The following C12orf42 variants were observed in gnomAD, a reference collection of about 807,000 sequenced individuals.
C12orf42 encodes the protein chromosome 12 open reading frame 42.
Under a neutral mutation model 21.6 loss-of-function variants are expected in C12orf42, and 25 were observed. The observed-to-expected ratio is 1.16, with a 90% CI of 0.84 to 1.62. The LOEUF (loss-of-function observed/expected upper bound fraction) is 1.62. C12orf42 is among the 40% of genes most tolerant of loss of function. The pLI, the probability that C12orf42 is intolerant of heterozygous loss-of-function variation, is 0.00. For missense variants in C12orf42, 483 were observed against 459.3 expected (o/e 1.05, Z -0.47); for synonymous variants, 174 against 175.0 (o/e 0.99, Z 0.05).
chr12:103,372,487 T>G (rs78851963), intron 3 of C12orf42, among the ~76,000 whole-genome samples: 2,795 of 152,268 alleles, frequency 0.018, 62 homozygotes, highest in African/African-American at 0.057. Flanking sequence ...CAAGTGTGGC[T>G]CAGGACCCAG....
At chr12:103,350,040 C>T (rs2042976732) in intron 4 of C12orf42, among the ~76,000 whole-genome samples, 1 of 151,724 alleles carries the variant, frequency 6.6e-6, no homozygotes, top group African/African-American at 2.4e-5. Context: ...ATTAAAATGA[C>T]CAAATTTAGG....
chr12:103,149,662 C>T, the C12orf42 span, among the ~76,000 whole-genome samples: 1 of 152,138 alleles, frequency 6.6e-6, no homozygotes, highest in African/African-American at 2.4e-5. Flanking sequence ...TTCCCCTTCT[C>T]GCACTTCTCC....
chr12:103,076,432 C>G, the C12orf42 span, among the ~76,000 whole-genome samples: 1 of 151,946 alleles, frequency 6.6e-6, no homozygotes, highest in African/African-American at 2.4e-5. Flanking sequence ...GCCAGTCAAA[C>G]CCATTGTGCA....
chr12:103,280,638 A>G (rs1286809918), intron 4 of C12orf42, among the ~76,000 whole-genome samples: 2 of 152,156 alleles, frequency 1.3e-5, no homozygotes, highest in Non-Finnish European at 2.9e-5. Flanking sequence ...AAAATCTTGA[A>G]TGGTAGGGGA....
chr12:103,363,767 A>G (rs2044330773), intron 4 of C12orf42, among the ~76,000 whole-genome samples: 1 of 152,164 alleles, frequency 6.6e-6, no homozygotes, highest in South Asian at 2.1e-4. Context: ...ATGTAATAAT[A>G]AAAGGTCTTA....
chr12:103,241,254 GC>G (rs2033727729), intron 10 of C12orf42, among the ~76,000 whole-genome samples: 1 of 151,224 alleles, frequency 6.6e-6, no homozygotes, highest in African/African-American at 2.4e-5. Context: ...GTCCCTGACA[GC>G]CCCCACCCCA....
intron 4 of C12orf42, among the ~76,000 whole-genome samples, chr12:103,290,943 T>C (rs1431493314): frequency 6.6e-6 from 1 of 152,006 alleles, no homozygotes. Flanking sequence ...ACTACTCGGG[T>C]GATGGATGTG....
chr12:103,467,534 C>T (rs1465677553), intron 2 of C12orf42, among the ~76,000 whole-genome samples: 1 of 152,102 alleles, frequency 6.6e-6, no homozygotes, highest in Non-Finnish European at 1.5e-5. Flanking sequence ...GAGTGAGGGT[C>T]CTGCCCTCAG....
At chr12:103,345,896 A>G (rs913076619) in intron 4 of C12orf42, among the ~76,000 whole-genome samples, 3 of 152,202 alleles carry the variant, frequency 2.0e-5, no homozygotes, top group Non-Finnish European at 4.4e-5. Flanking sequence ...TTACTACTGT[A>G]TGATAATAAC....
At chr12:103,289,262 G>A (rs2036650898) in intron 4 of C12orf42, among the ~76,000 whole-genome samples, 1 of 103,752 alleles carries the variant, frequency 9.6e-6, no homozygotes, top group Non-Finnish European at 2.2e-5. Flanking sequence ...AAAACAAAGG[G>A]GCAAAATCAT....
At chr12:103,215,339 T>C in the C12orf42 span, among the ~76,000 whole-genome samples, 2 of 151,956 alleles carry the variant, frequency 1.3e-5, no homozygotes, top group Non-Finnish European at 2.9e-5. Context: ...TATATACTAA[T>C]ACAAGTATTA....
chr12:103,295,198 C>T (rs59912975), intron 4 of C12orf42, among the ~76,000 whole-genome samples: 6,123 of 152,142 alleles, frequency 0.04, 405 homozygotes, highest in African/African-American at 0.14. Context: ...TTCCTGTGTC[C>T]CTGTGTGACT....
At chr12:103,411,333 T>C (rs930496148) in intron 2 of C12orf42, among the ~76,000 whole-genome samples, 4 of 152,258 alleles carry the variant, frequency 2.6e-5, no homozygotes, top group Non-Finnish European at 5.9e-5. Flanking sequence ...AATTTTATTA[T>C]GCAAAACTGT....
At chr12:103,370,074 T>C (rs1330531924) in intron 3 of C12orf42, among the ~76,000 whole-genome samples, 1 of 152,222 alleles carries the variant, frequency 6.6e-6, no homozygotes, top group East Asian at 1.9e-4. Context: ...ACAAAGGACC[T>C]GAACAGAAAC....
chr12:103,285,597 A>G (rs2036395481), intron 4 of C12orf42, among the ~76,000 whole-genome samples: 1 of 152,254 alleles, frequency 6.6e-6, no homozygotes, highest in South Asian at 2.1e-4. Context: ...TTATTTGAAG[A>G]AAAAGAATTA....
chr12:103,196,703 GT>G, the C12orf42 span, among the ~76,000 whole-genome samples: 2 of 151,730 alleles, frequency 1.3e-5, no homozygotes, highest in Non-Finnish European at 2.9e-5. Context: ...GTCATTGTTG[GT>G]TTAAAGTCTG....
downstream of C12orf42, among the ~76,000 whole-genome samples, chr12:103,296,986 G>T (rs547455123): frequency 6.6e-6 from 1 of 152,268 alleles, no homozygotes; most frequent in South Asian, 2.1e-4. Flanking sequence ...GGTTTTTATG[G>T]TTTTAGGTCT....
chr12:103,408,128 A>G (rs2048561720), intron 2 of C12orf42, among the ~76,000 whole-genome samples: 1 of 152,196 alleles, frequency 6.6e-6, no homozygotes, highest in Non-Finnish European at 1.5e-5. Flanking sequence ...AAGGTATAAC[A>G]TCAAACTTAC....
the C12orf42 span, among the ~76,000 whole-genome samples, chr12:103,543,019 A>T: frequency 6.6e-6 from 1 of 152,216 alleles, no homozygotes; most frequent in South Asian, 2.1e-4. Flanking sequence ...CTGGAAGAAG[A>T]CACTCAAGAG....
Sources: allele counts gnomAD v4.1 joint callset (sites outside exome capture counted in the v4.1 genomes callset), GRCh38; gene constraint gnomAD v4.1.1; transcripts MANE v1.5; gene names NCBI Gene and HGNC (gene_info 2026-07-23, HGNC 2026-07-21).